The following PDIA3 variants were observed in gnomAD, a reference collection of about 807,000 sequenced individuals.
PDIA3 encodes protein disulfide isomerase family A member 3.
PDIA3 carries 16 observed loss-of-function variants against 56.9 expected under a neutral mutation model. The ratio of observed to expected loss-of-function variants is 0.28; its 90% confidence interval spans 0.19 to 0.43. The LOEUF is 0.43. PDIA3 is among the 20% of genes least tolerant of loss of function. The probability of loss-of-function intolerance (pLI) is 1.00; values close to 1 mark genes in which losing one functional copy is unlikely to be tolerated. For missense variants in PDIA3, 485 were observed against 621.3 expected, an observed-to-expected ratio of 0.78 and a Z score of 2.33; for synonymous variants, 192 against 216.5, an observed-to-expected ratio of 0.89 and a Z score of 0.99.
At chr15:43,756,610 A>G in intron 2 of PDIA3, 39 bp from the exon 3 acceptor site, 3 of 1,163,742 alleles carry the variant, frequency 2.6e-6, no homozygotes, top group Non-Finnish European at 3.9e-6. Context: ...TGCAGCAGAA[A>G]CTTGGATAAG....
intron 2 of PDIA3, among the ~76,000 whole-genome samples, chr15:43,756,183 C>T (rs1377200576): frequency 6.6e-6 from 1 of 152,078 alleles, no homozygotes; most frequent in African/African-American, 2.4e-5. Flanking sequence ...GTTCAGGGTA[C>T]GTGTACAGGT....
intron 2 of PDIA3, 127 bp downstream of exon 2, chr15:43,754,029 C>T (rs745972473): frequency 2.3e-4 from 156 of 686,994 alleles, no homozygotes; most frequent in Non-Finnish European, 3.4e-4. Flanking sequence ...TTCATTTTCT[C>T]TACTCTTATT....
chr15:43,762,081 G>A (rs941429711), intron 4 of PDIA3, among the ~76,000 whole-genome samples: 6 of 152,018 alleles, frequency 3.9e-5, no homozygotes, highest in African/African-American at 1.5e-4. Flanking sequence ...AATGACATGA[G>A]CCAGTTAAAC....
At chr15:43,749,528 G>C (rs1301739626) in intron 1 of PDIA3, among the ~76,000 whole-genome samples, 1 of 152,134 alleles carries the variant, frequency 6.6e-6, no homozygotes, top group African/African-American at 2.4e-5. Context: ...GCCCTGTTGT[G>C]CATTCCTGTA....
Position 43,763,019 on chromosome 15 carries a change from G to T in PDIA3, c.473-58G>T. The T allele has an allele frequency of 2.6e-6, 4 of 1,546,556 alleles. No individual in the cohort carries two copies. In the Admixed American group the frequency reaches 5.2e-5, roughly 20 times the overall value. On this transcript the variant is annotated intron_variant, in intron 4 of 12. Coordinates refer to ENST00000300289, the MANE Select transcript of PDIA3 (RefSeq NM_005313.5). ...TTATGGAATAGACGTTTATGGTTTGGAATGTCCATCTGTCAGCACTTATTG... is the reference window on the plus strand; with the variant it reads ...TTATGGAATAGACGTTTATGGTTTGTAATGTCCATCTGTCAGCACTTATTG...
At chr15:43,770,007 A>G (rs979311622) in intron 10 of PDIA3, among the ~76,000 whole-genome samples, 1 of 152,208 alleles carries the variant, frequency 6.6e-6, no homozygotes. Flanking sequence ...GGCAATATGT[A>G]GAGTCTTAAT....
At chr15:43,767,037 C>A (rs1383042196) in intron 8 of PDIA3, 127 bp downstream of exon 8, 3 of 857,204 alleles carry the variant, frequency 3.5e-6, no homozygotes, top group Non-Finnish European at 3.7e-6. Flanking sequence ...CTATGACTGT[C>A]ATTTTTCTCA....
Position 43,771,402 on chromosome 15 carries a change from C to T in PDIA3, c.*184C>T. 2.4e-6 allele frequency: 1 copy of T among 420,196 alleles called. No individual in the cohort carries two copies. Among genetic ancestry groups the T allele is most frequent in the Admixed American group, 4.2e-5 (1 of 23,550 alleles). The allele number at this position is 420,196 out of a possible 1,614,324, so 26.0% of individuals were successfully genotyped here. A position where few individuals can be genotyped will look rare whatever the true frequency, so the allele number is the denominator to read the frequency against. Reference sequence around the variant, plus strand: ...TTAGCTGCACTGTTTATGGAAATACCAGGACCAGTTTATGTTTGTGGTTTT... The same window carrying T: ...TTAGCTGCACTGTTTATGGAAATACTAGGACCAGTTTATGTTTGTGGTTTT... On this transcript the variant is annotated 3_prime_UTR_variant, in exon 13 of 13. Coordinates refer to ENST00000300289, the MANE Select transcript of PDIA3 (RefSeq NM_005313.5).
chr15:43,768,751 C>T (rs540161107), intron 9 of PDIA3, among the ~76,000 whole-genome samples, 154 bp downstream of exon 9: 3 of 151,422 alleles, frequency 2.0e-5, no homozygotes, highest in African/African-American at 4.8e-5. Context: ...GCAGGCCAAG[C>T]GGTGGCTCAT....
At chr15:43,766,350 G>C (rs966080577) in intron 7 of PDIA3, among the ~76,000 whole-genome samples, 2 of 152,118 alleles carry the variant, frequency 1.3e-5, no homozygotes, top group African/African-American at 4.8e-5. Flanking sequence ...CCAAGTAGAA[G>C]GTGGAAATTT....
rs771128343 is a variant in PDIA3 at position 43,771,646 on chromosome 15, A to C, written c.*428A>C. On this transcript the variant is annotated 3_prime_UTR_variant, in exon 13 of 13. Coordinates refer to ENST00000300289, the MANE Select transcript of PDIA3 (RefSeq NM_005313.5). ...AAATGCTCTGTAATCTACACTGTTC[A>C]GTACAGGTAGCTACGGAGCATCTGA... 7.5e-6 allele frequency: 3 copies of C among 402,058 alleles called. No homozygotes were observed. Among genetic ancestry groups the C allele is most frequent in the Non-Finnish European group, 1.3e-5 (3 of 228,358 alleles). 24.9% of individuals were successfully genotyped at this position (402,058 alleles called of 1,614,324 possible).
At chr15:43,764,889 T>G (rs1004634314) in intron 5 of PDIA3, among the ~76,000 whole-genome samples, 1 of 152,248 alleles carries the variant, frequency 6.6e-6, no homozygotes, top group Non-Finnish European at 1.5e-5. Flanking sequence ...GTTGGGGAAC[T>G]ATGATTAGAA....
intron 5 of PDIA3, among the ~76,000 whole-genome samples, chr15:43,764,937 A>G (rs960747249): frequency 2.0e-5 from 3 of 152,144 alleles, no homozygotes; most frequent in African/African-American, 7.2e-5. Flanking sequence ...AATTTAGTAA[A>G]CCCTATACCC....
intron 3 of PDIA3, among the ~76,000 whole-genome samples, chr15:43,759,053 G>C (rs111820117): frequency 6.6e-6 from 1 of 152,266 alleles, no homozygotes; most frequent in African/African-American, 2.4e-5. Context: ...CACTTTGGGA[G>C]GCTGAGGCAG....
chr15:43,759,716 A>C (rs1053269258), intron 3 of PDIA3, among the ~76,000 whole-genome samples: 3 of 152,216 alleles, frequency 2.0e-5, no homozygotes, highest in African/African-American at 7.2e-5. Flanking sequence ...AAAGAAGAAA[A>C]TTCTGACTAC....
At chr15:43,760,551 CAG>C (rs1332257992) in intron 3 of PDIA3, among the ~76,000 whole-genome samples, 9 of 130,992 alleles carry the variant, frequency 6.9e-5, no homozygotes, top group African/African-American at 1.4e-4. Flanking sequence ...TTTTTTGAGA[CAG>C]AGTCTCACTC....
intron 3 of PDIA3, among the ~76,000 whole-genome samples, chr15:43,759,442 T>C (rs892178604): frequency 6.6e-6 from 1 of 151,480 alleles, no homozygotes; most frequent in Non-Finnish European, 1.5e-5. Context: ...CAAAACTTGT[T>C]TTTTTTTTTC....
At chr15:43,767,564 G>A in intron 8 of PDIA3, among the ~76,000 whole-genome samples, 1 of 149,272 alleles carries the variant, frequency 6.7e-6, no homozygotes, top group South Asian at 2.1e-4. Context: ...GATCACAGGA[G>A]TTAAAGACCA....
chr15:43,755,377 G>C (rs747107443), intron 2 of PDIA3, among the ~76,000 whole-genome samples: 3 of 152,148 alleles, frequency 2.0e-5, no homozygotes, highest in African/African-American at 7.2e-5. Flanking sequence ...ACTGCTATGT[G>C]ATAATCACAA....
Sources: allele counts gnomAD v4.1 joint callset (sites outside exome capture counted in the v4.1 genomes callset), GRCh38; gene constraint gnomAD v4.1.1; transcripts MANE v1.5; gene names NCBI Gene and HGNC (gene_info 2026-07-23, HGNC 2026-07-21).